The following SH3PXD2A variants were observed in gnomAD, a reference collection of about 807,000 sequenced individuals.
SH3PXD2A encodes the protein SH3 and PX domain-containing protein 2A.
A neutral mutation model predicts 115.2 loss-of-function variants in SH3PXD2A; 32 were observed. That is an observed-to-expected ratio of 0.28 (90% CI 0.21 to 0.37). The LOEUF (loss-of-function observed/expected upper bound fraction) is 0.37. SH3PXD2A is among the 10% of genes least tolerant of loss of function. The pLI, the probability that SH3PXD2A is intolerant of heterozygous loss-of-function variation, is 1.00. For synonymous variants in SH3PXD2A, 610 were observed against 629.1 expected, an observed-to-expected ratio of 0.97 and a Z score of 0.45; for missense variants, 1,328 against 1,498.7, an observed-to-expected ratio of 0.89 and a Z score of 1.88.
At chr10:103,667,559 C>A (rs569126858) in intron 7 of SH3PXD2A, among the ~76,000 whole-genome samples, 1 of 152,230 alleles carries the variant, frequency 6.6e-6, no homozygotes, top group African/African-American at 2.4e-5. Flanking sequence ...CAACGCCCTC[C>A]GACCCACTGC....
intron 1 of SH3PXD2A, among the ~76,000 whole-genome samples, chr10:103,838,580 C>A (rs2039568089): frequency 6.6e-6 from 1 of 152,188 alleles, no homozygotes; most frequent in African/African-American, 2.4e-5. Context: ...GAAGGCAGCA[C>A]CCCAAATGTT....
At chr10:103,728,866 G>C (rs1472983321) in intron 4 of SH3PXD2A, among the ~76,000 whole-genome samples, 2 of 150,582 alleles carry the variant, frequency 1.3e-5, no homozygotes, top group Admixed American at 6.6e-5. Flanking sequence ...CTAGTAAGTA[G>C]CAAAGAGTTG....
chr10:103,697,172 G>C (rs2037835346), intron 5 of SH3PXD2A, among the ~76,000 whole-genome samples: 1 of 152,072 alleles, frequency 6.6e-6, no homozygotes, highest in East Asian at 1.9e-4. Flanking sequence ...CTACTTTCTT[G>C]GCCTCTTGAG....
At chr10:103,675,556 G>T (rs2037521436) in intron 6 of SH3PXD2A, among the ~76,000 whole-genome samples, 1 of 152,176 alleles carries the variant, frequency 6.6e-6, no homozygotes, top group Non-Finnish European at 1.5e-5. Flanking sequence ...TAGGGTCTCA[G>T]AACCAGAGAG....
At chr10:103,817,082 T>C in intron 1 of SH3PXD2A, among the ~76,000 whole-genome samples, 1 of 145,954 alleles carries the variant, frequency 6.9e-6, no homozygotes, top group East Asian at 2.1e-4. Flanking sequence ...ACTCTTGACC[T>C]CAGACAATCT....
chr10:103,673,549 G>A (rs529048122), intron 6 of SH3PXD2A: 1 of 152,312 alleles, frequency 6.6e-6, no homozygotes, highest in South Asian at 2.1e-4. Context: ...GAGCAACAGA[G>A]TGAGACCCTG....
rs1213617503 is a variant in SH3PXD2A, at chr10:103,605,818, G to A, written c.1408C>T (p.Arg470Trp). 7.4e-6 allele frequency: 12 copies of A among 1,613,910 alleles called. No individual in the cohort carries two copies. Among genetic ancestry groups the A allele is most frequent in the African/African-American group, 4.0e-5 (3 of 74,924 alleles). Residue 470 changes from arginine (R) to tryptophan (W), a missense_variant, in exon 14 of 15, where the codon CGG becomes TGG. Coordinates refer to ENST00000369774, the MANE Select transcript of SH3PXD2A (RefSeq NM_001394015.1). ...QSCISDGISF[R>W]GGQKAEVIDK... The stretch of plus-strand genomic sequence containing the variant: ...CTTACCTCTGCCTTCTGTCCACCCC[G>A]AAAGCTGATGCCATCGGAAATGCAC...
chr10:103,614,060 T>C (rs2036470886), intron 11 of SH3PXD2A, among the ~76,000 whole-genome samples: 2 of 151,804 alleles, frequency 1.3e-5, no homozygotes, highest in African/African-American at 2.4e-5. Flanking sequence ...CTGGGCTACA[T>C]AGCAAGATCT....
intron 3 of SH3PXD2A, among the ~76,000 whole-genome samples, chr10:103,759,337 G>A (rs997014069): frequency 6.6e-6 from 1 of 152,212 alleles, no homozygotes; most frequent in African/African-American, 2.4e-5. Context: ...GCTGTCTGCA[G>A]GCTGGCAACG....
chr10:103,733,813 C>T (rs917696112), intron 4 of SH3PXD2A, among the ~76,000 whole-genome samples: 3 of 151,814 alleles, frequency 2.0e-5, no homozygotes, highest in Non-Finnish European at 4.4e-5. Context: ...TCCCTGTTAC[C>T]CAGGCTAGAG....
chr10:103,721,768 GCTCAGAGCCTTCCCTTGC>G (rs1260835936), intron 5 of SH3PXD2A, among the ~76,000 whole-genome samples: 4 of 152,170 alleles, frequency 2.6e-5, no homozygotes, highest in Non-Finnish European at 1.5e-5. Flanking sequence ...CTGCTGCCAG[GCTCAGAGCCTTCCCTTGC>G]CCTGAGGCAA....
At chr10:103,777,331 G>A (rs915053424) in intron 2 of SH3PXD2A, among the ~76,000 whole-genome samples, 2 of 152,242 alleles carry the variant, frequency 1.3e-5, no homozygotes, top group Non-Finnish European at 1.5e-5. Context: ...TCAGGGAGGC[G>A]GCAGGGAGAC....
chr10:103,796,761 C>G (rs953417524), intron 2 of SH3PXD2A, among the ~76,000 whole-genome samples: 1 of 151,266 alleles, frequency 6.6e-6, no homozygotes, highest in Non-Finnish European at 1.5e-5. Flanking sequence ...CCAGATTTAA[C>G]AAGTGAAAAT....
intron 5 of SH3PXD2A, among the ~76,000 whole-genome samples, chr10:103,708,316 C>T (rs575078700): frequency 3.0e-4 from 46 of 152,292 alleles, no homozygotes; most frequent in African/African-American, 1.1e-3. Context: ...GTGGGGACTT[C>T]CTGACCTTCC....
chr10:103,661,491 C>G (rs1245561002), intron 7 of SH3PXD2A: 1 of 229,372 alleles, frequency 4.4e-6, no homozygotes, highest in Non-Finnish European at 7.2e-6. Flanking sequence ...CTGGGGCCGA[C>G]GGGGTCTCTC....
intron 7 of SH3PXD2A, chr10:103,661,837 G>A: frequency 1.0e-6 from 1 of 985,170 alleles, no homozygotes; most frequent in African/African-American, 1.7e-5. Context: ...GGGAGGGGGA[G>A]GAGGCCTAGA....
chr10:103,682,904 T>C (rs895916449), intron 6 of SH3PXD2A, among the ~76,000 whole-genome samples: 1 of 152,156 alleles, frequency 6.6e-6, no homozygotes, highest in African/African-American at 2.4e-5. Flanking sequence ...TGGGCCTTTC[T>C]CACTGAGGAT....
intron 8 of SH3PXD2A, among the ~76,000 whole-genome samples, chr10:103,654,131 T>C (rs1450931286): frequency 1.3e-5 from 2 of 152,154 alleles, no homozygotes; most frequent in Admixed American, 6.5e-5. Context: ...ACAGGGCTAC[T>C]GAGGGACCAT....
chr10:103,801,237 C>T, intron 2 of SH3PXD2A, 45 bp downstream of exon 2: 1 of 1,201,926 alleles, frequency 8.3e-7, no homozygotes, highest in South Asian at 1.2e-5. Flanking sequence ...AGAGGCCAGC[C>T]CACCAGAGAG....
Sources: allele counts gnomAD v4.1 joint callset (sites outside exome capture counted in the v4.1 genomes callset), GRCh38; gene constraint gnomAD v4.1.1; transcripts MANE v1.5; gene names NCBI Gene and HGNC (gene_info 2026-07-23, HGNC 2026-07-21).